The following NELL1 variants were observed in gnomAD, a reference collection of about 807,000 sequenced individuals.
NELL1 encodes neural EGFL like 1.
Under a neutral mutation model 107.4 loss-of-function variants are expected in NELL1, and 76 were observed. That is an observed-to-expected ratio of 0.71 (90% CI 0.59 to 0.86). The LOEUF is 0.86. NELL1 is among the 40% of genes least tolerant of loss of function. The pLI, the probability that NELL1 is intolerant of heterozygous loss-of-function variation, is 0.00. For synonymous variants in NELL1, 353 were observed against 341.2 expected (o/e 1.03, Z -0.38); for missense variants, 1,024 against 1,005.5 (o/e 1.02, Z -0.25).
rs528555366 is a variant in NELL1 at position 21,384,350 on chromosome 11, A to C, written c.1645+13402A>C. 2.0e-5 allele frequency among the ~76,000 whole-genome samples: 3 copies of C among 152,090 alleles called. No individual in the cohort carries two copies. The South Asian group carries it at 6.2e-4, about 32-fold the overall frequency. ...TTACTCTGGGCCCACCTGCCTATTAAATTTGTTTGTCCTCACCATTCACTG... is the reference window on the plus strand; with the variant it reads ...TTACTCTGGGCCCACCTGCCTATTACATTTGTTTGTCCTCACCATTCACTG... On this transcript the variant is annotated intron_variant, in intron 15 of 19. Coordinates refer to ENST00000357134, the MANE Select transcript of NELL1 (RefSeq NM_006157.5).
At chr11:20,735,392 C>T (rs1371574105) in intron 2 of NELL1, among the ~76,000 whole-genome samples, 5 of 152,144 alleles carry the variant, frequency 3.3e-5, no homozygotes, top group African/African-American at 1.2e-4. Context: ...GAGAAGCAAA[C>T]ATGTTCTTCT....
At chr11:21,528,948 T>A (rs904704456) in intron 15 of NELL1, among the ~76,000 whole-genome samples, 1 of 152,122 alleles carries the variant, frequency 6.6e-6, no homozygotes, top group Non-Finnish European at 1.5e-5. Context: ...TTTTTAGATA[T>A]TGCATCAGTA....
chr11:21,411,477 TCTAA>T lies in NELL1; in HGVS notation c.1645+40531_1645+40534del, dbSNP rs1852375155. On this transcript the variant is annotated intron_variant, in intron 15 of 19. Transcript: ENST00000357134. ...ATGGCAATAATAATAAATAATACAC[TCTAA>T]CGAAAGGCTGGAGGAGTAAAAATAT... 2.6e-5 allele frequency among the ~76,000 whole-genome samples: 4 copies of T among 152,102 alleles called. No individual in the cohort carries two copies. In the South Asian group the frequency reaches 8.3e-4, roughly 32 times the overall value.
chr11:21,261,793 A>T (rs1181522563), intron 14 of NELL1, among the ~76,000 whole-genome samples: 1 of 151,900 alleles, frequency 6.6e-6, no homozygotes, highest in Non-Finnish European at 1.5e-5. Context: ...AGTTCTAGAA[A>T]GTTTTATAGG....
chr11:20,759,597 G>A lies in NELL1; in HGVS notation c.185-24083G>A, dbSNP rs192364721. ...TCTAGGGCATCTCACCACTCAGTCC[G>A]ACAGCTTCATCCACCACTGGGCAGG... On this transcript the variant is annotated intron_variant, in intron 2 of 19. Coordinates refer to ENST00000357134, the MANE Select transcript of NELL1 (RefSeq NM_006157.5). Among the ~76,000 whole-genome samples the A allele has an allele frequency of 6.2e-4, 94 of 152,260 alleles. 1 individual carries two copies. The highest frequency in any genetic ancestry group is 3.4e-3 in the Middle Eastern group (1 of 294).
intron 12 of NELL1, among the ~76,000 whole-genome samples, chr11:21,057,041 G>C (rs1407314030): frequency 6.6e-6 from 1 of 152,032 alleles, no homozygotes; most frequent in Non-Finnish European, 1.5e-5. Flanking sequence ...GAGTTTTAAA[G>C]TTTGAAGGCT....
Position 21,402,214 on chromosome 11 carries a change from G to A in NELL1, c.1645+31266G>A, listed in dbSNP as rs375301785. Among the ~76,000 whole-genome samples, 18 of 151,862 alleles carry A rather than the reference G, an allele frequency of 1.2e-4. No homozygotes were observed. In the East Asian group the frequency reaches 1.4e-3, roughly 12 times the overall value. ...CCCATTTTACAATTTTTATCCAGAT[G>A]AAGTTTGACAATTACACTCTAGAAT... On this transcript the variant is annotated intron_variant, in intron 15 of 19. Coordinates refer to ENST00000357134, the MANE Select transcript of NELL1 (RefSeq NM_006157.5).
intron 13 of NELL1, among the ~76,000 whole-genome samples, chr11:21,181,874 T>C (rs1480400277): frequency 3.3e-5 from 5 of 151,938 alleles, no homozygotes; most frequent in African/African-American, 4.9e-5. Flanking sequence ...TCTGAGTATA[T>C]GTGGTTCACT....
intron 12 of NELL1, among the ~76,000 whole-genome samples, chr11:20,965,329 A>G (rs1468010920): frequency 6.6e-6 from 1 of 152,230 alleles, no homozygotes; most frequent in Non-Finnish European, 1.5e-5. Flanking sequence ...CTAAATATTG[A>G]ATAGATCACA....
At chr11:21,502,176 G>A (rs1420980470) in intron 15 of NELL1, among the ~76,000 whole-genome samples, 2 of 152,140 alleles carry the variant, frequency 1.3e-5, no homozygotes, top group Non-Finnish European at 2.9e-5. Flanking sequence ...ACACAGAATG[G>A]ACAAATGAAT....
At chr11:21,013,551 G>A (rs769631769) in intron 12 of NELL1, among the ~76,000 whole-genome samples, 4 of 152,080 alleles carry the variant, frequency 2.6e-5, no homozygotes, top group African/African-American at 4.8e-5. Context: ...TGGGTCCTAC[G>A]TTATCTGCTA....
At chr11:21,217,892 C>A (rs999616793) in intron 13 of NELL1, among the ~76,000 whole-genome samples, 4 of 152,112 alleles carry the variant, frequency 2.6e-5, no homozygotes, top group Non-Finnish European at 5.9e-5. Context: ...TGGCTACTGA[C>A]GCCAGAGTCA....
intron 14 of NELL1, among the ~76,000 whole-genome samples, chr11:21,268,594 C>T (rs2133931665): frequency 6.6e-6 from 1 of 152,206 alleles, no homozygotes; most frequent in East Asian, 1.9e-4. Context: ...GATGGAGAAG[C>T]ACTTGTGAAA....
At position 21,573,283 on chromosome 11, in the gene NELL1, C is replaced by A. The variant is rs192662372; in HGVS notation, c.2256C>A (p.Asp752Glu). ...AATGTTGTCCCCGCTGTGTCAGTGACCCCTGCCTAGCTGATAACATCACCT... is the reference window on the plus strand; with the variant it reads ...AATGTTGTCCCCGCTGTGTCAGTGAACCCTGCCTAGCTGATAACATCACCT... ...EGECCPRCVS[D>E]PCLADNITYD... The change falls in exon 19 of 20, where the codon GAC becomes GAA. Residue 752 changes from aspartate to glutamate, a missense_variant. By Grantham distance (45) the Asp-to-Glu change is conservative. Coordinates refer to ENST00000357134, the MANE Select transcript of NELL1 (RefSeq NM_006157.5). 17 of 1,612,510 alleles carry A rather than the reference C, an allele frequency of 1.1e-5. No homozygotes were observed. The East Asian group carries it at 1.1e-4, about 11-fold the overall frequency.
chr11:21,374,605 C>T (rs552512954), intron 15 of NELL1, among the ~76,000 whole-genome samples: 2 of 152,108 alleles, frequency 1.3e-5, no homozygotes, highest in South Asian at 4.2e-4. Context: ...GGCACCACCT[C>T]TTAAAAAAAC....
chr11:20,730,316 G>C (rs1051878880), intron 2 of NELL1, among the ~76,000 whole-genome samples: 2 of 152,174 alleles, frequency 1.3e-5, no homozygotes, highest in African/African-American at 4.8e-5. Flanking sequence ...AGAAGCATCA[G>C]TGAGCCTGTA....
At chr11:21,111,570 G>GCTCGCTTAT (rs1855109024) in intron 12 of NELL1, among the ~76,000 whole-genome samples, 2 of 152,054 alleles carry the variant, frequency 1.3e-5, no homozygotes, top group Non-Finnish European at 2.9e-5. Flanking sequence ...GGTATATGGT[G>GCTCGCTTAT]GCTTGCTCCT....
chr11:21,107,326 T>TAA (rs5790162), intron 12 of NELL1, among the ~76,000 whole-genome samples: 2 of 151,446 alleles, frequency 1.3e-5, no homozygotes, highest in South Asian at 2.1e-4. Flanking sequence ...TAGGCCCAAT[T>TAA]AAAAAAAAAT....
At chr11:21,384,539 G>A (rs1173758516) in intron 15 of NELL1, among the ~76,000 whole-genome samples, 1 of 151,806 alleles carries the variant, frequency 6.6e-6, no homozygotes, top group Non-Finnish European at 1.5e-5. Flanking sequence ...CTGGTGCGCT[G>A]CACCCACTAA....
Sources: gnomAD v4.1 joint callset for allele counts (sites outside exome capture counted in the v4.1 genomes callset) on GRCh38, gnomAD v4.1.1 for gene constraint, MANE v1.5 for transcripts, NCBI Gene and HGNC (gene_info 2026-07-23, HGNC 2026-07-21) for gene names.